Variants in ZHX2 observed in about 807,000 individuals in gnomAD.
The protein encoded by ZHX2 is zinc fingers and homeoboxes 2.
ZHX2 carries 6 observed loss-of-function variants against 21.9 expected under a neutral mutation model. The observed-to-expected ratio is 0.27, with a 90% CI of 0.15 to 0.54. The LOEUF is 0.54. Ranked by LOEUF, ZHX2 falls within the 20% of genes least tolerant of loss-of-function variation. The pLI is 0.95. For synonymous variants in ZHX2, 434 were observed against 437.1 expected, an observed-to-expected ratio of 0.99 and a Z score of 0.09; for missense variants, 908 against 1,090.7, an observed-to-expected ratio of 0.83 and a Z score of 2.36.
intron 2 of ZHX2, among the ~76,000 whole-genome samples, chr8:122,934,853 T>C (rs996467041): frequency 6.6e-6 from 1 of 152,156 alleles, no homozygotes; most frequent in Non-Finnish European, 1.5e-5. Context: ...CATGCCTGGC[T>C]AATTTTGTAT....
At chr8:122,841,702 G>C (rs933109621) in intron 1 of ZHX2, among the ~76,000 whole-genome samples, 3 of 152,160 alleles carry the variant, frequency 2.0e-5, no homozygotes, top group African/African-American at 7.2e-5. Flanking sequence ...ACATGGTGAT[G>C]AAGCCTCCCT....
At chr8:122,810,930 G>A (rs1280883709) in intron 1 of ZHX2, among the ~76,000 whole-genome samples, 1 of 152,158 alleles carries the variant, frequency 6.6e-6, no homozygotes, top group African/African-American at 2.4e-5. Flanking sequence ...TGGGATTATA[G>A]ACAACCTGGA....
At position 122,791,194 on chromosome 8, in the gene ZHX2, C is replaced by T. The variant is rs16897429; in HGVS notation, c.-283+9248C>T. Among the ~76,000 whole-genome samples, 105 of 152,236 alleles carry T rather than the reference C, an allele frequency of 6.9e-4. 1 individual carries two copies. The highest frequency in any genetic ancestry group is 1.2e-3 in the Non-Finnish European group (84 of 68,038). ...CTTCCTCTGCCTACGGTCTTCCTCA[C>T]CCACGATTTTCCCCAATTTATTGGA... On this transcript the variant is annotated intron_variant, in intron 1 of 3. Coordinates refer to ENST00000314393, the MANE Select transcript of ZHX2 (RefSeq NM_014943.5).
At chr8:122,905,377 A>C (rs895545801) in intron 2 of ZHX2, among the ~76,000 whole-genome samples, 5 of 150,578 alleles carry the variant, frequency 3.3e-5, no homozygotes, top group Admixed American at 3.3e-4. Context: ...AAATGGCACA[A>C]CATTTTTTTT....
chr8:122,877,532 G>C (rs984966931), intron 2 of ZHX2, among the ~76,000 whole-genome samples: 1 of 152,154 alleles, frequency 6.6e-6, no homozygotes, highest in African/African-American at 2.4e-5. Flanking sequence ...GTGGGTTTGC[G>C]GAACTTGTCC....
chr8:122,808,687 G>A (rs2130597894), intron 1 of ZHX2: 1 of 152,266 alleles, frequency 6.6e-6, no homozygotes, highest in African/African-American at 2.4e-5. Flanking sequence ...AAGCACAATG[G>A]TTAACCCATG....
intron 3 of ZHX2, among the ~76,000 whole-genome samples, chr8:122,960,111 G>T (rs570244904): frequency 1.3e-5 from 2 of 152,326 alleles, no homozygotes; most frequent in East Asian, 3.9e-4. Context: ...AATGGGAAAT[G>T]AAGTTTTAAC....
chr8:122,811,909 T>C (rs1817938316), intron 1 of ZHX2: 1 of 152,218 alleles, frequency 6.6e-6, no homozygotes, highest in Admixed American at 6.5e-5. Flanking sequence ...TCACCTGTTT[T>C]GTACCTGGTT....
intron 2 of ZHX2, among the ~76,000 whole-genome samples, chr8:122,894,692 T>C (rs1820056176): frequency 6.6e-6 from 1 of 152,168 alleles, no homozygotes; most frequent in Admixed American, 6.5e-5. Context: ...ATATACCTAA[T>C]GTTAAATGAC....
intron 2 of ZHX2, among the ~76,000 whole-genome samples, chr8:122,930,338 A>G (rs1474091296): frequency 6.6e-6 from 1 of 152,218 alleles, no homozygotes; most frequent in Non-Finnish European, 1.5e-5. Flanking sequence ...ACAAAAAAGC[A>G]ACACTTTACA....
At chr8:122,910,743 G>C (rs1010409219) in intron 2 of ZHX2, among the ~76,000 whole-genome samples, 1 of 151,872 alleles carries the variant, frequency 6.6e-6, no homozygotes, top group Non-Finnish European at 1.5e-5. Flanking sequence ...GCTGGGGGGT[G>C]GGGGGTGGGG....
rs1466422059 is a variant in ZHX2, at chr8:122,953,185, C to G, written c.1675C>G (p.Leu559Val). 1 of 1,613,622 alleles carries G rather than the reference C, an allele frequency of 6.2e-7. No homozygotes were observed. Among genetic ancestry groups the G allele is most frequent in the Non-Finnish European group, 8.5e-7 (1 of 1,179,984 alleles). ...AAGTTCTTTTCCTACCCAAGCAGAA[C>G]TGGATCGGCTAAGGGTGGAGACCAA... The part of the protein sequence containing the change: ...LKSSFPTQAE[L>V]DRLRVETKLS... The change falls in exon 3 of 4, where the codon CTG (leucine) becomes GTG (valine). Residue 559 changes from leucine (L) to valine (V), a missense_variant. Transcript: ENST00000314393. This position sits in a 1 kb window ranked among gnomAD's most constrained non-coding sequence, Gnocchi z 4.6.
At chr8:122,895,211 A>T (rs1820071937) in intron 2 of ZHX2, among the ~76,000 whole-genome samples, 1 of 152,190 alleles carries the variant, frequency 6.6e-6, no homozygotes, top group South Asian at 2.1e-4. Context: ...GGTGGTAGAA[A>T]ATTGAAGAGC....
chr8:122,816,084 A>T (rs1818028067), intron 1 of ZHX2, among the ~76,000 whole-genome samples: 1 of 149,858 alleles, frequency 6.7e-6, no homozygotes, highest in Admixed American at 6.6e-5. Flanking sequence ...CGTCTCAAAA[A>T]AAAAAAAAAA....
chr8:122,950,689 C>T (rs373987833), intron 2 of ZHX2, among the ~76,000 whole-genome samples: 13 of 151,772 alleles, frequency 8.6e-5, no homozygotes, highest in Non-Finnish European at 1.9e-4. Flanking sequence ...GATTTCATCA[C>T]GTGATGAAAT....
chr8:122,832,159 G>A (rs189641802), intron 1 of ZHX2, among the ~76,000 whole-genome samples: 12 of 152,316 alleles, frequency 7.9e-5, no homozygotes, highest in African/African-American at 2.6e-4. Context: ...GAGCGTGGCC[G>A]GGTTTAGATG....
intron 2 of ZHX2, among the ~76,000 whole-genome samples, chr8:122,909,359 G>A (rs573078300): frequency 2.0e-5 from 3 of 151,934 alleles, no homozygotes; most frequent in Non-Finnish European, 4.4e-5. Flanking sequence ...CTTGAACCCA[G>A]GAGGTGGAGG....
intron 1 of ZHX2, among the ~76,000 whole-genome samples, chr8:122,844,338 T>C (rs2130720619): frequency 6.6e-6 from 1 of 152,374 alleles, no homozygotes; most frequent in Middle Eastern, 3.4e-3. Context: ...TTGCAATTGG[T>C]GTTGAAACTT....
intron 1 of ZHX2, among the ~76,000 whole-genome samples, chr8:122,809,570 A>G (rs1817885355): frequency 6.6e-6 from 1 of 152,200 alleles, no homozygotes; most frequent in Admixed American, 6.5e-5. Context: ...CACAGGGGAA[A>G]GAAAACTCAC....
Sources: allele counts gnomAD v4.1 joint callset (sites outside exome capture counted in the v4.1 genomes callset), GRCh38; gene constraint gnomAD v4.1.1; non-coding constraint Gnocchi (gnomAD v3.1); transcripts MANE v1.5; gene names NCBI Gene and HGNC (gene_info 2026-07-23, HGNC 2026-07-21).